The following TMEM220 variants were observed in gnomAD, a reference collection of about 807,000 sequenced individuals.
TMEM220 encodes transmembrane protein 220.
In TMEM220, 21 loss-of-function variants were observed where a neutral mutation model predicts 21.7. That is an observed-to-expected ratio of 0.97 (90% CI 0.69 to 1.39). The LOEUF (loss-of-function observed/expected upper bound fraction) is 1.39, where lower values mean the gene tolerates loss of function less well. TMEM220 is among the 40% of genes most tolerant of loss of function. The pLI is 0.00. For missense variants in TMEM220, 191 were observed against 201.9 expected (o/e 0.95, Z 0.33); for synonymous variants, 80 against 73.6 (o/e 1.09, Z -0.45).
intron 4 of TMEM220, among the ~76,000 whole-genome samples, chr17:10,724,773 T>C (rs2075029553): frequency 6.6e-6 from 1 of 152,108 alleles, no homozygotes; most frequent in East Asian, 1.9e-4. Context: ...TATAATGTAA[T>C]ATGTAGTGAC....
At chr17:10,723,084 G>A (rs1327031804) in intron 5 of TMEM220, among the ~76,000 whole-genome samples, 186 bp downstream of exon 5, 3 of 151,202 alleles carry the variant, frequency 2.0e-5, no homozygotes, top group Non-Finnish European at 4.4e-5. Flanking sequence ...GGGTTCAAGC[G>A]ATTCCCCTGC....
In TMEM220 at chr17:10,713,806, T is replaced by C. The variant is rs2074874793; in HGVS notation, c.*1647A>G. 1 of 152,168 alleles carries C rather than the reference T, an allele frequency of 6.6e-6. No individual in the cohort carries two copies. The highest frequency in any genetic ancestry group is 2.1e-4 in the South Asian group (1 of 4,826). The allele number at this position is 152,168 out of a possible 1,614,324, so 9.4% of individuals were successfully genotyped here. The stretch of plus-strand genomic sequence containing the variant: ...GCCAATAACAAAAACAAAATACACA[T>C]ACCTCCTTTAACAAATATTTATAGA... On this transcript the variant is annotated 3_prime_UTR_variant, in exon 6 of 6. Transcript: ENST00000341871.
intron 5 of TMEM220, among the ~76,000 whole-genome samples, chr17:10,718,115 C>A (rs2074944262): frequency 6.6e-6 from 1 of 152,168 alleles, no homozygotes; most frequent in Non-Finnish European, 1.5e-5. Context: ...AGCCACGGCG[C>A]CCGGCCCTAT....
At chr17:10,712,083 C>T (rs1170631893), downstream of TMEM220, among the ~76,000 whole-genome samples, 2 of 152,192 alleles carry the variant, frequency 1.3e-5, no homozygotes, top group Non-Finnish European at 2.9e-5. Context: ...GGTCAGAAGT[C>T]TGAAATCATT....
At chr17:10,727,200 G>GC (rs1307853139) in intron 2 of TMEM220, among the ~76,000 whole-genome samples, 1 of 151,312 alleles carries the variant, frequency 6.6e-6, no homozygotes, top group African/African-American at 2.4e-5. Context: ...AGATGGGGGG[G>GC]GTCTCGCTAT....
intron 5 of TMEM220, among the ~76,000 whole-genome samples, chr17:10,718,117 C>T (rs537201431): frequency 2.6e-5 from 4 of 152,234 alleles, no homozygotes; most frequent in East Asian, 1.9e-4. Context: ...CCACGGCGCC[C>T]GGCCCTATGA....
Position 10,726,265 on chromosome 17 carries a change from C to T in TMEM220, c.103-1G>A. 1.2e-6 allele frequency: 2 copies of T among 1,613,570 alleles called. No homozygotes were observed. The highest frequency in any genetic ancestry group is 2.2e-5 in the South Asian group (2 of 91,068). ...GTACTGCAGGGATTGTGTACACCAC[C>T]TGTTAGCAAAAAGGGAGGAAATTAC... On this transcript the variant is annotated splice_acceptor_variant, in intron 2 of 5. Coordinates refer to ENST00000341871, the MANE Select transcript of TMEM220 (RefSeq NM_001004313.3). LOFTEE classifies it high-confidence loss of function.
At chr17:10,721,987 TTTTC>T (rs1279120837) in intron 5 of TMEM220, among the ~76,000 whole-genome samples, 1 of 100,942 alleles carries the variant, frequency 9.9e-6, no homozygotes. Flanking sequence ...AGAGCTGGGT[TTTTC>T]TTTCTTTTTT....
downstream of TMEM220, among the ~76,000 whole-genome samples, chr17:10,712,756 C>T (rs904095149): frequency 3.9e-5 from 6 of 152,126 alleles, no homozygotes; most frequent in Non-Finnish European, 8.8e-5. Context: ...GACGATTCAC[C>T]AGAAAGGTGC....
downstream of TMEM220, among the ~76,000 whole-genome samples, chr17:10,711,985 G>C (rs191818081): frequency 3.9e-4 from 59 of 152,334 alleles, no homozygotes; most frequent in African/African-American, 1.3e-3. Context: ...GGATATAAAG[G>C]AGTGTTAGCT....
chr17:10,729,742 G>A (rs867575009), intron 1 of TMEM220, 38 bp downstream of exon 1: 4 of 1,327,858 alleles, frequency 3.0e-6, no homozygotes, highest in Middle Eastern at 2.8e-4. Context: ...GCGGAGCTGG[G>A]AGCCGGGCGG....
chr17:10,724,874 A>T, intron 4 of TMEM220, 137 bp downstream of exon 4: 1 of 1,203,472 alleles, frequency 8.3e-7, no homozygotes, highest in Non-Finnish European at 1.2e-6. Flanking sequence ...GTTATAAAGA[A>T]GATAATACCT....
At chr17:10,723,435 G>T in intron 4 of TMEM220, 106 bp from the exon 5 acceptor site, 2 of 808,064 alleles carry the variant, frequency 2.5e-6, no homozygotes, top group South Asian at 2.7e-5. Context: ...TTGAGTGACT[G>T]ACTCTCCCTC....
chr17:10,729,894 C>T lies in TMEM220; in HGVS notation c.-43G>A. ...GCGGGGCGGTGAGTCCTGCCACGTG[C>T]GGGGCGGTGAGTCCTGCCACGTACG... is the stretch of plus-strand genomic sequence containing the variant. On this transcript the variant is annotated 5_prime_UTR_variant, in exon 1 of 6. Transcript: ENST00000341871. 7.8e-7 allele frequency: 1 copy of T among 1,283,118 alleles called. No homozygotes were observed. Among genetic ancestry groups the T allele is most frequent in the Non-Finnish European group, 9.9e-7 (1 of 1,011,756 alleles). The allele number at this position is 1,283,118 out of a possible 1,614,324, so 79.5% of individuals were successfully genotyped here.
rs768534257 is a variant in TMEM220, at chr17:10,725,089, CAA to C, written c.207_208del (p.Phe69LeufsTer23). ...CGCCAAGCCAACAGCCCACACCGTA[CAA>C]AAGAGTATGTGTATTGCAGAGATAC... is the stretch of plus-strand genomic sequence containing the variant. On this transcript the variant is annotated frameshift_variant, in exon 4 of 6. Transcript: ENST00000341871. LOFTEE classifies it high-confidence loss of function. 2 of 1,613,932 alleles carry C rather than the reference CAA, an allele frequency of 1.2e-6. No homozygotes were observed. The highest frequency in any genetic ancestry group is 2.7e-5 in the African/African-American group (2 of 74,946).
At chr17:10,720,912 C>G (rs911057695) in intron 5 of TMEM220, among the ~76,000 whole-genome samples, 4 of 151,908 alleles carry the variant, frequency 2.6e-5, no homozygotes, top group African/African-American at 4.8e-5. Context: ...AGAAATTTTG[C>G]CATGATTAAA....
intron 5 of TMEM220, among the ~76,000 whole-genome samples, chr17:10,721,615 AAAAAGAAAAAAAG>A (rs1211056344): frequency 5.5e-5 from 3 of 54,080 alleles, no homozygotes; most frequent in East Asian, 5.7e-4. Flanking sequence ...AAAAAAAAAA[AAAAAGAAAAAAAG>A]AAAAAAAAGA....
intron 2 of TMEM220, among the ~76,000 whole-genome samples, chr17:10,728,143 A>G (rs896654994): frequency 9.9e-5 from 15 of 151,820 alleles, no homozygotes; most frequent in Admixed American, 9.8e-4. Flanking sequence ...CTGGGCAACA[A>G]GAGCAAAACT....
intron 5 of TMEM220, among the ~76,000 whole-genome samples, chr17:10,722,984 CTTTT>C (rs11463233): frequency 1.4e-5 from 2 of 139,592 alleles, no homozygotes; most frequent in Admixed American, 7.2e-5. Context: ...GATGTGATTT[CTTTT>C]TTTTTTTTTT....
Sources: allele counts gnomAD v4.1 joint callset (sites outside exome capture counted in the v4.1 genomes callset), GRCh38; gene constraint gnomAD v4.1.1; transcripts MANE v1.5; gene names NCBI Gene and HGNC (gene_info 2026-07-23, HGNC 2026-07-21).